Variants in SND1 observed in about 807,000 individuals in gnomAD.
SND1 encodes the protein staphylococcal nuclease and tudor domain containing 1, also known as staphylococcal nuclease domain-containing protein 1.
A neutral mutation model predicts 121.7 loss-of-function variants in SND1; 38 were observed. The ratio of observed to expected loss-of-function variants is 0.31; its 90% CI spans 0.24 to 0.41. The LOEUF (loss-of-function observed/expected upper bound fraction) is 0.41. SND1 is among the 10% of genes least tolerant of loss of function. The pLI, the probability that SND1 is intolerant of heterozygous loss-of-function variation, is 1.00. For missense variants in SND1, 868 were observed against 1,184.6 expected, an observed-to-expected ratio of 0.73 and a Z score of 3.92; for synonymous variants, 401 against 447.4, an observed-to-expected ratio of 0.90 and a Z score of 1.31.
rs1317836699 is a variant in SND1, at chr7:127,944,347, GA to G, written c.1669+15019del. ...AAGTTGGAGGATTTGCAGAAATTGAGATTGCTGTTCCCAGATATTGGCACTT... is the reference window on the plus strand; with the variant it reads ...AAGTTGGAGGATTTGCAGAAATTGAGTTGCTGTTCCCAGATATTGGCACTT... On this transcript the variant is annotated intron_variant, in intron 15 of 23. Transcript: ENST00000354725. Among the ~76,000 whole-genome samples, 13 of 152,214 alleles carry G rather than the reference GA, an allele frequency of 8.5e-5. No homozygotes were observed. In the South Asian group the frequency reaches 1.4e-3, roughly 17 times the overall value.
chr7:128,072,298 G>T (rs1415657964), intron 16 of SND1, among the ~76,000 whole-genome samples: 1 of 152,230 alleles, frequency 6.6e-6, no homozygotes, highest in African/African-American at 2.4e-5. Flanking sequence ...CTAGTGGCCT[G>T]CCAGGCCTGG....
intron 22 of SND1, among the ~76,000 whole-genome samples, chr7:128,091,253 G>A (rs1171528917): frequency 2.6e-5 from 4 of 152,174 alleles, no homozygotes; most frequent in East Asian, 1.9e-4. Context: ...TTTTGAGACC[G>A]GGTCTGGAGT....
At chr7:128,009,490 T>C (rs900755390) in intron 16 of SND1, among the ~76,000 whole-genome samples, 1 of 152,248 alleles carries the variant, frequency 6.6e-6, no homozygotes, top group Non-Finnish European at 1.5e-5. Context: ...ACTTTCTATG[T>C]TGGTGGAAAT....
chr7:127,940,500 G>T (rs937915077), intron 15 of SND1, among the ~76,000 whole-genome samples: 153 of 152,302 alleles, frequency 1.0e-3, no homozygotes, highest in African/African-American at 3.4e-3. Context: ...GAAATTAAAG[G>T]TTAATGCTTT....
chr7:127,919,837 A>G (rs1397190935), intron 14 of SND1, among the ~76,000 whole-genome samples: 2 of 152,216 alleles, frequency 1.3e-5, no homozygotes, highest in East Asian at 1.9e-4. Context: ...AACTATTACA[A>G]TTTAATGGTG....
chr7:127,727,465 A>G (rs1300068516), intron 10 of SND1, among the ~76,000 whole-genome samples: 1 of 152,208 alleles, frequency 6.6e-6, no homozygotes. Context: ...CTGGACCCTC[A>G]AGCCGACTTT....
At chr7:127,896,379 C>G (rs558816031) in intron 13 of SND1, among the ~76,000 whole-genome samples, 11 of 152,184 alleles carry the variant, frequency 7.2e-5, no homozygotes, top group Non-Finnish European at 1.3e-4. Context: ...ACACTTGACC[C>G]TTGACTTTCT....
chr7:127,690,672 C>A (rs1181978219), intron 2 of SND1, among the ~76,000 whole-genome samples: 8 of 152,206 alleles, frequency 5.3e-5, no homozygotes, highest in Non-Finnish European at 7.3e-5. Context: ...TACAGGTAAG[C>A]AGTGAATAAA....
intron 10 of SND1, among the ~76,000 whole-genome samples, chr7:127,800,997 T>A (rs906077796): frequency 1.3e-5 from 2 of 152,240 alleles, no homozygotes; most frequent in African/African-American, 4.8e-5. Flanking sequence ...GCTATGTTGC[T>A]CTAAATCAGC....
chr7:127,783,691 C>T (rs954574285), intron 10 of SND1, among the ~76,000 whole-genome samples: 8 of 152,244 alleles, frequency 5.3e-5, no homozygotes, highest in African/African-American at 1.9e-4. Flanking sequence ...TCTTTTGCTT[C>T]ATGTGAAATT....
At chr7:128,013,199 G>A (rs1182819624) in intron 16 of SND1, among the ~76,000 whole-genome samples, 1 of 152,186 alleles carries the variant, frequency 6.6e-6, no homozygotes, top group Non-Finnish European at 1.5e-5. Context: ...CTGGACAGGA[G>A]GAGGCAGGGG....
chr7:127,704,955 G>A lies in SND1; in HGVS notation c.947+10G>A, dbSNP rs1379820864. ...TGAGGGCGGCAGAGAGGTAAGGTCT[G>A]TCCAAGAGGCCTTCCAGCTGTGGAT... On this transcript the variant is annotated intron_variant, in intron 8 of 23. Coordinates refer to ENST00000354725, the MANE Select transcript of SND1 (RefSeq NM_014390.4). The A allele has an allele frequency of 1.2e-6, 2 of 1,606,968 alleles. No individual in the cohort carries two copies. The highest frequency in any genetic ancestry group is 2.2e-5 in the South Asian group (2 of 90,914).
chr7:127,887,850 C>CA, intron 12 of SND1, 52 bp from the exon 13 acceptor site: 1 of 1,196,440 alleles, frequency 8.4e-7, no homozygotes, highest in East Asian at 2.4e-5. Flanking sequence ...TTTCTGTTGA[C>CA]TGAGCCCCAT....
chr7:127,796,705 T>C (rs1258723967), intron 10 of SND1, among the ~76,000 whole-genome samples: 1 of 152,210 alleles, frequency 6.6e-6, no homozygotes, highest in Non-Finnish European at 1.5e-5. Flanking sequence ...TTAGCAGCAG[T>C]AAAAGTATAG....
intron 11 of SND1, among the ~76,000 whole-genome samples, chr7:127,836,672 A>G (rs1285773342): frequency 6.6e-6 from 1 of 152,176 alleles, no homozygotes; most frequent in Non-Finnish European, 1.5e-5. Flanking sequence ...TTTTCTTTTT[A>G]ATAATATCAG....
At chr7:127,935,196 A>G (rs1326257242) in intron 15 of SND1, among the ~76,000 whole-genome samples, 1 of 152,232 alleles carries the variant, frequency 6.6e-6, no homozygotes, top group Non-Finnish European at 1.5e-5. Flanking sequence ...CTTAGTAAGT[A>G]CAGATTGCAC....
chr7:127,748,200 C>T (rs545258368), intron 10 of SND1, among the ~76,000 whole-genome samples: 177 of 152,298 alleles, frequency 1.2e-3, no homozygotes, highest in African/African-American at 4.1e-3. Context: ...TTTTGCTTGC[C>T]TGGCCTTGTC....
At chr7:127,772,494 G>T (rs1334373366) in intron 10 of SND1, among the ~76,000 whole-genome samples, 2 of 152,168 alleles carry the variant, frequency 1.3e-5, no homozygotes, top group Admixed American at 1.3e-4. Context: ...AATTTTCAGG[G>T]TTGGAAGAAA....
intron 9 of SND1, among the ~76,000 whole-genome samples, chr7:127,711,244 T>C (rs768978690): frequency 2.0e-5 from 3 of 152,228 alleles, no homozygotes; most frequent in Non-Finnish European, 4.4e-5. Flanking sequence ...TTTCTCTTTA[T>C]AATTTGCAAC....
Sources: allele counts gnomAD v4.1 joint callset (sites outside exome capture counted in the v4.1 genomes callset), GRCh38; gene constraint gnomAD v4.1.1; transcripts MANE v1.5; gene names NCBI Gene and HGNC (gene_info 2026-07-23, HGNC 2026-07-21).